The following MAF variants were observed in gnomAD, a reference collection of about 807,000 sequenced individuals.
MAF encodes the protein MAF bZIP transcription factor, also known as transcription factor Maf.
Under a neutral mutation model 22.0 loss-of-function variants are expected in MAF, and 10 were observed. The ratio of observed to expected loss-of-function variants is 0.45; its 90% confidence interval spans 0.28 to 0.77. The LOEUF is 0.77. Ranked by LOEUF, MAF falls within the 30% of genes least tolerant of loss-of-function variation. The probability of loss-of-function intolerance (pLI) is 0.12; values close to 1 mark genes in which losing one functional copy is unlikely to be tolerated. For synonymous variants in MAF, 337 were observed against 255.8 expected, an observed-to-expected ratio of 1.32 and a Z score of -3.03; for missense variants, 544 against 548.4, an observed-to-expected ratio of 0.99 and a Z score of 0.08.
the MAF span, among the ~76,000 whole-genome samples, chr16:79,496,146 C>T: frequency 2.0e-5 from 3 of 152,016 alleles, no homozygotes; most frequent in Non-Finnish European, 4.4e-5. Context: ...TTTAAAGCCA[C>T]TAAGTGTAGG....
At chr16:79,529,553 AG>A in the MAF span, among the ~76,000 whole-genome samples, 1 of 152,204 alleles carries the variant, frequency 6.6e-6, no homozygotes, top group Admixed American at 6.5e-5. Context: ...AATATCTCAG[AG>A]GGTGTTTTGG....
At position 79,599,583 on chromosome 16, in the gene MAF, C is replaced by T. The variant is rs11549798; in HGVS notation, c.320G>A (p.Gly107Asp). ...CTCGACCGCGTCCTCGGGGCTGAAG[C>T]CCAGCGCCTCGGGGTTCAGCTGCTG... is the stretch of plus-strand genomic sequence containing the variant. ...YPQQLNPEAL[G>D]FSPEDAVEAL... Residue 107 changes from glycine to aspartate, a missense_variant, in exon 1 of 2, where the codon GGC becomes GAC. Physicochemically the swap from Gly to Asp is moderately conservative, Grantham distance 94 (BLOSUM62 -1). This residue lies in a region of MAF where 342 missense variants were observed against 315.5 expected (regional missense o/e 1.08). Transcript: ENST00000326043. 6.2e-7 allele frequency: 1 copy of T among 1,605,562 alleles called. No homozygotes were observed.
the MAF span, among the ~76,000 whole-genome samples, chr16:79,571,529 A>AT: frequency 2.1e-4 from 18 of 84,524 alleles, no homozygotes; most frequent in African/African-American, 4.4e-4. Context: ...ATCTCAGCGG[A>AT]ATTTTTTTTT....
the MAF span, among the ~76,000 whole-genome samples, chr16:79,393,412 T>C: frequency 6.6e-6 from 1 of 152,234 alleles, no homozygotes; most frequent in Non-Finnish European, 1.5e-5. Flanking sequence ...GAGGTTGGGC[T>C]ATCCAGCGCT....
the MAF span, among the ~76,000 whole-genome samples, chr16:79,278,455 C>G: frequency 6.6e-6 from 1 of 152,126 alleles, no homozygotes; most frequent in Admixed American, 6.5e-5. Context: ...TTTTGTTTTC[C>G]CTCCTGCAAA....
the MAF span, among the ~76,000 whole-genome samples, chr16:79,289,222 A>G: frequency 6.6e-6 from 1 of 152,180 alleles, no homozygotes; most frequent in Non-Finnish European, 1.5e-5. Flanking sequence ...TGGTGTTTCA[A>G]AAGTGCTCTG....
At chr16:79,327,208 G>T in the MAF span, among the ~76,000 whole-genome samples, 1 of 152,166 alleles carries the variant, frequency 6.6e-6, no homozygotes, top group African/African-American at 2.4e-5. Context: ...GGGCTTTAGG[G>T]GGAAAACAGG....
At chr16:79,412,620 G>A in the MAF span, among the ~76,000 whole-genome samples, 2 of 152,100 alleles carry the variant, frequency 1.3e-5, no homozygotes, top group African/African-American at 2.4e-5. Flanking sequence ...TGGCAGTTGC[G>A]CCCAGTTGAG....
chr16:79,421,615 CAGTT>C, the MAF span, among the ~76,000 whole-genome samples: 5 of 149,970 alleles, frequency 3.3e-5, no homozygotes, highest in Admixed American at 6.7e-5. Flanking sequence ...AAGGGAAAGA[CAGTT>C]AGTAAATGAA....
At chr16:79,568,972 C>T in the MAF span, among the ~76,000 whole-genome samples, 1 of 152,220 alleles carries the variant, frequency 6.6e-6, no homozygotes, top group African/African-American at 2.4e-5. Flanking sequence ...TAAGCCCCCT[C>T]ATGCAAGTTT....
At chr16:79,213,500 C>A in the MAF span, among the ~76,000 whole-genome samples, 1 of 152,204 alleles carries the variant, frequency 6.6e-6, no homozygotes, top group Non-Finnish European at 1.5e-5. Context: ...AGGGGATCAC[C>A]CCTCCCATAT....
chr16:79,597,310 A>T, intron 1 of MAF: 1 of 1,041,466 alleles, frequency 9.6e-7, no homozygotes, highest in South Asian at 4.6e-5. Context: ...ATTAAATTAT[A>T]TACTAGAAAC....
At chr16:79,257,407 C>A in the MAF span, among the ~76,000 whole-genome samples, 1 of 152,130 alleles carries the variant, frequency 6.6e-6, no homozygotes, top group Non-Finnish European at 1.5e-5. Context: ...AAATGCAAGT[C>A]CCCTACTTTG....
At chr16:79,324,711 C>T in the MAF span, among the ~76,000 whole-genome samples, 90,853 of 151,968 alleles carry the variant, frequency 0.6, 27,555 homozygotes, top group Non-Finnish European at 0.65. Flanking sequence ...GACAGTCAGA[C>T]GGGCACTCCT....
At chr16:79,269,956 A>C in the MAF span, among the ~76,000 whole-genome samples, 1 of 152,228 alleles carries the variant, frequency 6.6e-6, no homozygotes, top group African/African-American at 2.4e-5. Context: ...AACCTGGTCC[A>C]TTCATCTCTC....
At chr16:79,497,605 C>T in the MAF span, among the ~76,000 whole-genome samples, 1 of 152,208 alleles carries the variant, frequency 6.6e-6, no homozygotes, top group Non-Finnish European at 1.5e-5. Context: ...TGTGGGTCTA[C>T]AGTGACCCCA....
the MAF span, among the ~76,000 whole-genome samples, chr16:79,440,705 T>C: frequency 3.9e-4 from 59 of 152,334 alleles, no homozygotes; most frequent in South Asian, 0.012. Context: ...GCCACCACAC[T>C]CAGCCAACCT....
chr16:79,487,081 TCTC>T, the MAF span, among the ~76,000 whole-genome samples: 3 of 151,994 alleles, frequency 2.0e-5, no homozygotes, highest in East Asian at 5.8e-4. Flanking sequence ...TCTATTGAAA[TCTC>T]CTCCAAAACA....
the MAF span, among the ~76,000 whole-genome samples, chr16:79,420,628 G>A: frequency 6.6e-6 from 1 of 152,152 alleles, no homozygotes; most frequent in Non-Finnish European, 1.5e-5. Flanking sequence ...TTTCATCAGG[G>A]TTCACTTTAG....
Sources: gnomAD v4.1 joint callset for allele counts (sites outside exome capture counted in the v4.1 genomes callset) on GRCh38, gnomAD v4.1.1 for gene constraint, gnomAD v4.1.1 regional missense constraint, MANE v1.5 for transcripts, NCBI Gene and HGNC (gene_info 2026-07-23, HGNC 2026-07-21) for gene names.